The following IMMP2L variants were observed in gnomAD, a reference collection of about 807,000 sequenced individuals.
IMMP2L encodes the protein mitochondrial inner membrane protease subunit 2.
Under a neutral mutation model 19.3 loss-of-function variants are expected in IMMP2L, and 18 were observed. The observed-to-expected ratio is 0.93, with a 90% CI of 0.64 to 1.38. IMMP2L has a LOEUF of 1.38. Among genes scored for constraint, IMMP2L ranks in the 40% most tolerant of loss-of-function variants. IMMP2L has a pLI of 0.00. For missense variants in IMMP2L, 233 were observed against 218.2 expected (o/e 1.07, Z -0.43); for synonymous variants, 76 against 73.0 (o/e 1.04, Z -0.21).
intron 3 of IMMP2L, among the ~76,000 whole-genome samples, chr7:111,308,989 C>T (rs1295947726): frequency 6.6e-6 from 1 of 152,084 alleles, no homozygotes; most frequent in East Asian, 1.9e-4. Context: ...TGTAATGCTT[C>T]ATTTTGCTAA....
intron 3 of IMMP2L, among the ~76,000 whole-genome samples, chr7:111,442,034 G>A (rs182208283): frequency 1.3e-5 from 2 of 151,808 alleles, no homozygotes; most frequent in Admixed American, 1.3e-4. Context: ...CTTCTCAGGA[G>A]GCTGAGGCAA....
At chr7:111,086,428 G>A (rs1283208637) in intron 3 of IMMP2L, among the ~76,000 whole-genome samples, 3 of 146,898 alleles carry the variant, frequency 2.0e-5, no homozygotes, top group Non-Finnish European at 4.5e-5. Context: ...GGGCAACAGA[G>A]CAAAAACTGT....
intron 3 of IMMP2L, among the ~76,000 whole-genome samples, chr7:111,287,857 T>C (rs1199196793): frequency 6.6e-6 from 1 of 152,178 alleles, no homozygotes; most frequent in East Asian, 1.9e-4. Context: ...GATGGATAGT[T>C]GGACCAACAG....
At chr7:110,885,531 C>T (rs1810132996) in intron 5 of IMMP2L, among the ~76,000 whole-genome samples, 1 of 151,804 alleles carries the variant, frequency 6.6e-6, no homozygotes, top group African/African-American at 2.4e-5. Flanking sequence ...TTTCTGTATA[C>T]ATTCAACATG....
chr7:111,561,448 G>A (rs1267973654), intron 1 of IMMP2L, among the ~76,000 whole-genome samples: 1 of 152,098 alleles, frequency 6.6e-6, no homozygotes, highest in Admixed American at 6.5e-5. Flanking sequence ...ATCCCTAGGG[G>A]GGTTACTGTT....
chr7:111,286,199 G>T lies in IMMP2L; in HGVS notation c.239+201039C>A, dbSNP rs117394418. Among the ~76,000 whole-genome samples the T allele has an allele frequency of 5.2e-3, 793 of 152,292 alleles. 6 individuals are homozygous for T. Among genetic ancestry groups the T allele is most frequent in the Admixed American group, 8.6e-3 (132 of 15,286 alleles). ...AAAGTTTAACAGAAGTACAGTTAGA[G>T]ATGCACTTGGCATCAAAACCAACAG... On this transcript the variant is annotated intron_variant, in intron 3 of 5. Transcript: ENST00000405709.
intron 3 of IMMP2L, among the ~76,000 whole-genome samples, chr7:110,976,820 G>T (rs1268958001): frequency 6.6e-6 from 1 of 151,816 alleles, no homozygotes; most frequent in Non-Finnish European, 1.5e-5. Context: ...GTTCAATAAA[G>T]ACCCAGCCTT....
intron 3 of IMMP2L, among the ~76,000 whole-genome samples, chr7:111,305,931 G>A (rs796540531): frequency 5.3e-5 from 8 of 152,136 alleles, no homozygotes; most frequent in African/African-American, 1.7e-4. Flanking sequence ...GCCAGAATAG[G>A]GCAAGGGAAT....
At chr7:111,375,447 T>C (rs1043387208) in intron 3 of IMMP2L, among the ~76,000 whole-genome samples, 3 of 152,078 alleles carry the variant, frequency 2.0e-5, no homozygotes, top group African/African-American at 7.2e-5. Context: ...AGTTCTCATG[T>C]AGGTAGAAAA....
At chr7:110,836,824 A>G (rs1207355771) in intron 5 of IMMP2L, among the ~76,000 whole-genome samples, 1 of 152,138 alleles carries the variant, frequency 6.6e-6, no homozygotes, top group Non-Finnish European at 1.5e-5. Context: ...ATTTTTGCCA[A>G]TTGAATTGGA....
chr7:110,835,116 G>T (rs566775988), intron 5 of IMMP2L, among the ~76,000 whole-genome samples: 1 of 152,188 alleles, frequency 6.6e-6, no homozygotes, highest in Admixed American at 6.5e-5. Context: ...ATGTAAAACA[G>T]GTAGCTAAAT....
chr7:111,222,846 T>C (rs749350275), intron 3 of IMMP2L, among the ~76,000 whole-genome samples: 4 of 152,026 alleles, frequency 2.6e-5, no homozygotes, highest in Non-Finnish European at 4.4e-5. Context: ...AAAAAATCTG[T>C]TGTCCATGTG....
chr7:111,217,159 C>CA (rs1231113707), intron 3 of IMMP2L, among the ~76,000 whole-genome samples: 7 of 149,730 alleles, frequency 4.7e-5, no homozygotes, highest in African/African-American at 1.7e-4. Context: ...CACACACACA[C>CA]AATATGCAGT....
intron 2 of IMMP2L, among the ~76,000 whole-genome samples, chr7:111,496,495 G>A (rs1404278065): frequency 6.6e-6 from 1 of 152,110 alleles, no homozygotes; most frequent in African/African-American, 2.4e-5. Context: ...ACTGGATTGA[G>A]TAAGAAAGAT....
chr7:111,290,396 CT>C (rs1820953377), intron 3 of IMMP2L, among the ~76,000 whole-genome samples: 1 of 151,814 alleles, frequency 6.6e-6, no homozygotes, highest in Non-Finnish European at 1.5e-5. Flanking sequence ...TGCCTATATA[CT>C]TGGTAAATTC....
At chr7:110,843,775 C>T (rs1408186067) in intron 5 of IMMP2L, among the ~76,000 whole-genome samples, 2 of 152,140 alleles carry the variant, frequency 1.3e-5, no homozygotes, top group Non-Finnish European at 2.9e-5. Flanking sequence ...CATATCCAAG[C>T]TAAGACCTGA....
chr7:111,519,919 T>C (rs1257409226), intron 2 of IMMP2L, among the ~76,000 whole-genome samples: 4 of 152,070 alleles, frequency 2.6e-5, no homozygotes, highest in Middle Eastern at 3.2e-3. Context: ...AAAAGATACA[T>C]GCTTGTGAAT....
Position 111,308,695 on chromosome 7 carries a change from A to AT in IMMP2L, c.239+178542dup, listed in dbSNP as rs1446261204. On this transcript the variant is annotated intron_variant, in intron 3 of 5. Coordinates refer to ENST00000405709, the MANE Select transcript of IMMP2L (RefSeq NM_032549.4). ...AAGTACCTTTGTCATAAACTTTCAA[A>AT]TATAACATTATAATAAAAAATTCTC... Among the ~76,000 whole-genome samples, 4 of 152,126 alleles carry AT rather than the reference A, an allele frequency of 2.6e-5. No individual in the cohort carries two copies. In the East Asian group the frequency reaches 7.7e-4, roughly 29 times the overall value.
intron 3 of IMMP2L, among the ~76,000 whole-genome samples, chr7:111,115,141 TA>T (rs1173541344): frequency 6.6e-6 from 1 of 151,986 alleles, no homozygotes; most frequent in Non-Finnish European, 1.5e-5. Context: ...ACAAGGTAAA[TA>T]AAAGAGAGGT....
Sources: allele counts gnomAD v4.1 joint callset (sites outside exome capture counted in the v4.1 genomes callset), GRCh38; gene constraint gnomAD v4.1.1; transcripts MANE v1.5; gene names NCBI Gene and HGNC (gene_info 2026-07-23, HGNC 2026-07-21).